The following UNC5D variants were observed in gnomAD, a reference collection of about 807,000 sequenced individuals.
The protein encoded by UNC5D is unc-5 netrin receptor D, also known as netrin receptor UNC5D.
UNC5D carries 39 observed loss-of-function variants against 105.4 expected under a neutral mutation model. The ratio of observed to expected loss-of-function variants is 0.37; its 90% confidence interval spans 0.29 to 0.48. The LOEUF (loss-of-function observed/expected upper bound fraction) is 0.48, where lower values mean the gene tolerates loss of function less well. UNC5D is among the 20% of genes least tolerant of loss of function. The pLI is 0.98. For missense variants in UNC5D, 991 were observed against 1,202.4 expected (o/e 0.82, Z 2.60); for synonymous variants, 452 against 450.4 (o/e 1.00, Z -0.04).
chr8:35,526,108 G>A (rs983018410), intron 1 of UNC5D, among the ~76,000 whole-genome samples: 3 of 152,190 alleles, frequency 2.0e-5, no homozygotes, highest in Non-Finnish European at 4.4e-5. Context: ...GTAGTTTTAC[G>A]TTTAAGTCTA....
chr8:35,355,328 G>C (rs1449774716), intron 1 of UNC5D, among the ~76,000 whole-genome samples: 1 of 152,140 alleles, frequency 6.6e-6, no homozygotes, highest in East Asian at 1.9e-4. Flanking sequence ...CAATTAACCT[G>C]TGCTTCTGTG....
intron 1 of UNC5D, among the ~76,000 whole-genome samples, chr8:35,292,027 T>C (rs147443974): frequency 3.3e-5 from 5 of 152,326 alleles, no homozygotes; most frequent in African/African-American, 1.2e-4. Flanking sequence ...GGCAAGCTAA[T>C]TGAAGTTAGG....
chr8:35,686,720 T>C lies in UNC5D; in HGVS notation c.1084+11T>C. ...GTCTTTGCATCCTAGGTAACACTTTTGCTTTAACATCTTCAGTGTTTGTTC... is the reference window on the plus strand; with the variant it reads ...GTCTTTGCATCCTAGGTAACACTTTCGCTTTAACATCTTCAGTGTTTGTTC... On this transcript the variant is annotated intron_variant, in intron 7 of 16. Coordinates refer to ENST00000404895, the MANE Select transcript of UNC5D (RefSeq NM_080872.4). 1 of 1,568,458 alleles carries C rather than the reference T, an allele frequency of 6.4e-7. No individual in the cohort carries two copies. Among genetic ancestry groups the C allele is most frequent in the Non-Finnish European group, 8.6e-7 (1 of 1,158,180 alleles).
chr8:35,742,257 A>G (rs1433914413), intron 11 of UNC5D, among the ~76,000 whole-genome samples: 4 of 151,856 alleles, frequency 2.6e-5, no homozygotes, highest in Non-Finnish European at 5.9e-5. Flanking sequence ...ACTCCAAGAA[A>G]AAAAAAAAAG....
At chr8:35,561,103 T>C (rs138686033) in intron 2 of UNC5D, among the ~76,000 whole-genome samples, 4 of 152,258 alleles carry the variant, frequency 2.6e-5, no homozygotes, top group Non-Finnish European at 2.9e-5. Flanking sequence ...GCTGGCTAAT[T>C]TTTAGAGAGA....
chr8:35,567,952 T>C (rs1428834701), intron 2 of UNC5D, 146 bp from the exon 3 acceptor site: 1 of 1,257,644 alleles, frequency 8.0e-7, no homozygotes, highest in Non-Finnish European at 1.1e-6. Flanking sequence ...TTAGCAGTAA[T>C]ATATTATTGT....
intron 14 of UNC5D, among the ~76,000 whole-genome samples, chr8:35,766,459 T>A (rs1801771564): frequency 6.6e-6 from 1 of 152,172 alleles, no homozygotes; most frequent in African/African-American, 2.4e-5. Flanking sequence ...TGGAGTTAAG[T>A]TCTGGCCAAT....
chr8:35,418,369 T>C (rs971937594), intron 1 of UNC5D, among the ~76,000 whole-genome samples: 1 of 152,170 alleles, frequency 6.6e-6, no homozygotes, highest in African/African-American at 2.4e-5. Flanking sequence ...TAGTTCCATC[T>C]GCGAGTGCCA....
intron 1 of UNC5D, among the ~76,000 whole-genome samples, chr8:35,253,891 G>T (rs544756097): frequency 3.9e-5 from 6 of 152,208 alleles, no homozygotes; most frequent in African/African-American, 1.4e-4. Context: ...ATTTATGAAG[G>T]TTGCACATAT....
chr8:35,488,494 G>C (rs984956896), intron 1 of UNC5D, among the ~76,000 whole-genome samples: 1 of 152,210 alleles, frequency 6.6e-6, no homozygotes, highest in African/African-American at 2.4e-5. Context: ...GGCTTTAGCA[G>C]TCCGGGTTGC....
intron 4 of UNC5D, among the ~76,000 whole-genome samples, chr8:35,601,975 A>C (rs1471249054): frequency 4.6e-5 from 7 of 152,196 alleles, no homozygotes; most frequent in Non-Finnish European, 1.0e-4. Context: ...ACGTCCCATC[A>C]ATACCTAATT....
chr8:35,381,380 C>T (rs1362871402), intron 1 of UNC5D, among the ~76,000 whole-genome samples: 1 of 152,136 alleles, frequency 6.6e-6, no homozygotes. Context: ...TAGACTCTCA[C>T]ACTGGAGAGG....
chr8:35,677,448 T>G (rs185498043), intron 4 of UNC5D, among the ~76,000 whole-genome samples: 1 of 152,286 alleles, frequency 6.6e-6, no homozygotes, highest in East Asian at 1.9e-4. Context: ...CATTGGAGTT[T>G]GCAACTGCTG....
intron 1 of UNC5D, among the ~76,000 whole-genome samples, chr8:35,454,659 T>C (rs188919068): frequency 0.017 from 2,528 of 152,268 alleles, 79 homozygotes; most frequent in African/African-American, 0.058. Context: ...TTTTCCTTTG[T>C]TTAATTCCTT....
intron 16 of UNC5D, among the ~76,000 whole-genome samples, chr8:35,779,553 A>T (rs1276247482): frequency 1.3e-5 from 2 of 152,044 alleles, no homozygotes; most frequent in African/African-American, 4.8e-5. Context: ...CCACTTCCTG[A>T]GTTCAAGTGA....
intron 1 of UNC5D, chr8:35,525,383 A>G: frequency 6.2e-7 from 1 of 1,612,080 alleles, no homozygotes; most frequent in Non-Finnish European, 8.5e-7. Context: ...CTTGCCATTT[A>G]CAGTCTTTAA....
intron 1 of UNC5D, among the ~76,000 whole-genome samples, chr8:35,328,930 A>G (rs1417996624): frequency 1.3e-5 from 2 of 151,904 alleles, no homozygotes; most frequent in Non-Finnish European, 2.9e-5. Flanking sequence ...TCTCCTTCTC[A>G]CATCTCTTTG....
chr8:35,454,415 A>T (rs1270597729), intron 1 of UNC5D, among the ~76,000 whole-genome samples: 1 of 152,140 alleles, frequency 6.6e-6, no homozygotes, highest in Admixed American at 6.6e-5. Flanking sequence ...ACACAGGAAG[A>T]GCTGCTCACC....
intron 12 of UNC5D, 53 bp from the exon 13 acceptor site, chr8:35,750,529 G>T: frequency 6.4e-7 from 1 of 1,562,780 alleles, no homozygotes; most frequent in African/African-American, 1.4e-5. Context: ...CAATATAAAG[G>T]TTAGATCACA....
Sources: allele counts gnomAD v4.1 joint callset (sites outside exome capture counted in the v4.1 genomes callset), GRCh38; gene constraint gnomAD v4.1.1; transcripts MANE v1.5; gene names NCBI Gene and HGNC (gene_info 2026-07-23, HGNC 2026-07-21).